The following IL1RAPL2 variants were observed in gnomAD, a reference collection of about 807,000 sequenced individuals.
The protein encoded by IL1RAPL2 is interleukin 1 receptor accessory protein like 2.
Under a neutral mutation model 44.1 loss-of-function variants are expected in IL1RAPL2, and 3 were observed. That is an observed-to-expected ratio of 0.07 (90% CI 0.03 to 0.18). The LOEUF (loss-of-function observed/expected upper bound fraction) is 0.18. Ranked by LOEUF, IL1RAPL2 falls within the 10% of genes least tolerant of loss-of-function variation. The probability of loss-of-function intolerance (pLI) is 1.00; values close to 1 mark genes in which losing one functional copy is unlikely to be tolerated. For synonymous variants in IL1RAPL2, 181 were observed against 178.8 expected (o/e 1.01, Z -0.10); for missense variants, 391 against 496.4 (o/e 0.79, Z 2.02).
intron 6 of IL1RAPL2, among the ~76,000 whole-genome samples, chrX:105,673,049 C>G (rs991490011): frequency 2.7e-5 from 3 of 111,414 alleles, no homozygotes; most frequent in African/African-American, 9.8e-5. Flanking sequence ...CCCTGTTTTT[C>G]AGCATCATCT....
At chrX:105,082,438 G>T (rs141048720) in intron 2 of IL1RAPL2, among the ~76,000 whole-genome samples, 1 of 111,080 alleles carries the variant, frequency 9.0e-6, no homozygotes, top group African/African-American at 3.3e-5. Context: ...GGTTCACAGC[G>T]TTCAAACTTT....
At chrX:104,846,372 G>T (rs915522811) in intron 2 of IL1RAPL2, among the ~76,000 whole-genome samples, 19 of 109,300 alleles carry the variant, frequency 1.7e-4, no homozygotes, top group Non-Finnish European at 3.4e-4. Context: ...ACAGGCCCCG[G>T]TGTGTGATGT....
chrX:105,492,842 A>G (rs1004085716), intron 6 of IL1RAPL2, among the ~76,000 whole-genome samples: 1 of 110,889 alleles, frequency 9.0e-6, no homozygotes, highest in Non-Finnish European at 1.9e-5. Context: ...TCTATTCACG[A>G]TGTTGTGCAA....
intron 2 of IL1RAPL2, among the ~76,000 whole-genome samples, chrX:104,988,737 T>C (rs1396889505): frequency 1.8e-5 from 2 of 112,130 alleles, no homozygotes; most frequent in Non-Finnish European, 3.8e-5. Context: ...GTTTTAGAAA[T>C]TGTGTGTCAA....
chrX:104,828,799 G>A (rs1921532112), intron 2 of IL1RAPL2, among the ~76,000 whole-genome samples: 1 of 112,790 alleles, frequency 8.9e-6, no homozygotes, highest in African/African-American at 3.2e-5. Context: ...GACTGGGGCT[G>A]TTGCCTTTCT....
intron 4 of IL1RAPL2, among the ~76,000 whole-genome samples, chrX:105,240,393 TG>T (rs782142111): frequency 2.7e-5 from 3 of 112,863 alleles, no homozygotes; most frequent in East Asian, 5.6e-4. Flanking sequence ...CATGATAATC[TG>T]GCAAAGTGTC....
At chrX:105,140,931 G>A (rs145219183) in intron 2 of IL1RAPL2, among the ~76,000 whole-genome samples, 6 of 110,995 alleles carry the variant, frequency 5.4e-5, no homozygotes, top group Non-Finnish European at 1.1e-4. Flanking sequence ...TTCCAACCTC[G>A]TTATCCCAAA....
intron 6 of IL1RAPL2, among the ~76,000 whole-genome samples, chrX:105,560,328 G>A (rs1234784231): frequency 8.9e-6 from 1 of 112,026 alleles, no homozygotes; most frequent in East Asian, 2.8e-4. Context: ...ACTTGTGGGC[G>A]ACATCTTGCA....
At chrX:104,965,453 A>G (rs1324394863) in intron 2 of IL1RAPL2, among the ~76,000 whole-genome samples, 1 of 111,569 alleles carries the variant, frequency 9.0e-6, no homozygotes, top group African/African-American at 3.3e-5. Flanking sequence ...CCAGATTTGT[A>G]TCACCACAGG....
chrX:104,674,952 T>C (rs1289380341), intron 2 of IL1RAPL2, among the ~76,000 whole-genome samples: 1 of 111,640 alleles, frequency 9.0e-6, no homozygotes, highest in Non-Finnish European at 1.9e-5. Context: ...ATATCCCCTT[T>C]ATAATTTTTT....
chrX:104,664,721 CCTT>C (rs1298164732), intron 2 of IL1RAPL2, among the ~76,000 whole-genome samples: 1 of 111,370 alleles, frequency 9.0e-6, no homozygotes. Flanking sequence ...AATTTAGAAA[CCTT>C]CTTTTTCTTT....
At chrX:105,637,339 C>G (rs1013096643) in intron 6 of IL1RAPL2, among the ~76,000 whole-genome samples, 2 of 112,221 alleles carry the variant, frequency 1.8e-5, no homozygotes, top group Non-Finnish European at 3.8e-5. Flanking sequence ...ACAACTTCAA[C>G]CAAGCTCTAT....
rs142407886 is a variant in IL1RAPL2, at chrX:105,194,904, C to T, written c.83-571C>T. Among the ~76,000 whole-genome samples the T allele has an allele frequency of 3.8e-3, 422 of 111,238 alleles. 4 individuals are homozygous for T. The highest frequency in any genetic ancestry group is 0.013 in the African/African-American group (389 of 30,612). On this transcript the variant is annotated intron_variant, in intron 2 of 10. Transcript: ENST00000372582. ...GGTCTTCCACCACTTATTAGCTGTG[C>T]GACCTTGGGCAAAGTCATTTAACTT...
intron 2 of IL1RAPL2, among the ~76,000 whole-genome samples, chrX:104,744,547 T>A (rs1292712869): frequency 9.0e-6 from 1 of 111,499 alleles, no homozygotes; most frequent in Non-Finnish European, 1.9e-5. Flanking sequence ...TGCTATTTAT[T>A]CATTTGTTTA....
At chrX:105,220,004 C>A (rs1556178335) in intron 3 of IL1RAPL2, 1 of 1,209,989 alleles carries the variant, frequency 8.3e-7, no homozygotes, top group Non-Finnish European at 1.1e-6. Context: ...CTGGTCTGGG[C>A]CATTCTTAGC....
chrX:105,642,308 T>A, intron 6 of IL1RAPL2, among the ~76,000 whole-genome samples: 1 of 112,250 alleles, frequency 8.9e-6, no homozygotes, highest in African/African-American at 3.2e-5. Flanking sequence ...CCAAGTAATA[T>A]ACAGATGCAA....
chrX:105,180,361 A>C (rs1397315185), intron 2 of IL1RAPL2, among the ~76,000 whole-genome samples: 1 of 111,126 alleles, frequency 9.0e-6, no homozygotes, highest in Admixed American at 9.5e-5. Flanking sequence ...AAAAACAAAA[A>C]AAAAAGAAAA....
chrX:104,742,998 C>G (rs1449510494), intron 2 of IL1RAPL2, among the ~76,000 whole-genome samples: 3 of 111,718 alleles, frequency 2.7e-5, no homozygotes, highest in Non-Finnish European at 5.7e-5. Flanking sequence ...TGCTTGGCAT[C>G]AGTTTATATA....
chrX:104,656,893 CTCT>C (rs1335276191), intron 1 of IL1RAPL2, among the ~76,000 whole-genome samples: 2 of 111,380 alleles, frequency 1.8e-5, no homozygotes, highest in Admixed American at 1.9e-4. Context: ...GGATGGTTAG[CTCT>C]TCTTGTTGAA....
Sources: allele counts gnomAD v4.1 joint callset (sites outside exome capture counted in the v4.1 genomes callset), GRCh38; gene constraint gnomAD v4.1.1; transcripts MANE v1.5; gene names NCBI Gene and HGNC (gene_info 2026-07-23, HGNC 2026-07-21).